Variants in SGIP1 observed in about 807,000 individuals in gnomAD.
The protein encoded by SGIP1 is SH3GL interacting endocytic adaptor 1.
In SGIP1, 38 loss-of-function variants were observed where a neutral mutation model predicts 107.5. The ratio of observed to expected loss-of-function variants is 0.35; its 90% CI spans 0.27 to 0.46. The LOEUF is 0.46. Among genes scored for constraint, SGIP1 ranks in the 20% least tolerant of loss-of-function variants. The pLI, the probability that SGIP1 is intolerant of heterozygous loss-of-function variation, is 1.00. For synonymous variants in SGIP1, 365 were observed against 366.1 expected, an observed-to-expected ratio of 1.00 and a Z score of 0.03; for missense variants, 929 against 1,019.5, an observed-to-expected ratio of 0.91 and a Z score of 1.21.
chr1:66,575,703 C>G (rs1438936639), intron 1 of SGIP1, among the ~76,000 whole-genome samples: 1 of 152,086 alleles, frequency 6.6e-6, no homozygotes, highest in Admixed American at 6.6e-5. Flanking sequence ...TTATTCATGC[C>G]TGGTGCATGC....
At chr1:66,712,420 C>T (rs533383845) in intron 18 of SGIP1, among the ~76,000 whole-genome samples, 18 of 152,108 alleles carry the variant, frequency 1.2e-4, no homozygotes, top group African/African-American at 3.9e-4. Context: ...CTGGCCTGCC[C>T]GAACGCAGGC....
At chr1:66,610,980 G>A (rs1458594009) in intron 1 of SGIP1, among the ~76,000 whole-genome samples, 2 of 151,990 alleles carry the variant, frequency 1.3e-5, no homozygotes, top group Non-Finnish European at 2.9e-5. Context: ...TGGAAACTCG[G>A]TGGGAAAGGG....
chr1:66,679,848 A>G, intron 14 of SGIP1, 96 bp downstream of exon 14: 1 of 1,116,462 alleles, frequency 9.0e-7, no homozygotes, highest in Non-Finnish European at 1.2e-6. Context: ...TGTAGGCTAC[A>G]CAAAAACATC....
At chr1:66,534,440 C>T in intron 1 of SGIP1, 72 bp downstream of exon 1, 12 of 1,560,604 alleles carry the variant, frequency 7.7e-6, no homozygotes, top group Non-Finnish European at 1.1e-5. Context: ...AGAATATGTG[C>T]AGCCAGTGTA....
intron 18 of SGIP1, among the ~76,000 whole-genome samples, chr1:66,702,737 C>T (rs2092077227): frequency 6.6e-6 from 1 of 152,066 alleles, no homozygotes; most frequent in Non-Finnish European, 1.5e-5. Context: ...CTCTTATGGC[C>T]ATAATGGTCC....
chr1:66,665,005 G>T (rs1158840936), intron 8 of SGIP1, among the ~76,000 whole-genome samples: 1 of 152,002 alleles, frequency 6.6e-6, no homozygotes, highest in African/African-American at 2.4e-5. Flanking sequence ...TTAAGTTCTG[G>T]GATACATGTG....
At chr1:66,608,687 T>C (rs2149116920) in intron 1 of SGIP1, among the ~76,000 whole-genome samples, 1 of 152,292 alleles carries the variant, frequency 6.6e-6, no homozygotes, top group South Asian at 2.1e-4. Flanking sequence ...TTTGCCCCCT[T>C]GGCTCATTCT....
chr1:66,630,825 A>AAGAGAGAAAGAG (rs1397429821), intron 2 of SGIP1, among the ~76,000 whole-genome samples: 87 of 6,186 alleles, frequency 0.014, 7 homozygotes, highest in African/African-American at 0.072. Flanking sequence ...GAAAGAAAGA[A>AAGAGAGAAAGAG]AGAAAGAAAG....
chr1:66,743,180 AC>A lies in SGIP1; in HGVS notation c.*86del. ...AGATTTTAATTTTGGTTTGATGAAAACAAACCAATATCTGCACTTGGGATAT... is the reference window on the plus strand; with the variant it reads ...AGATTTTAATTTTGGTTTGATGAAAAAAACCAATATCTGCACTTGGGATAT... On this transcript the variant is annotated 3_prime_UTR_variant, in exon 25 of 25. Coordinates refer to ENST00000371037, the MANE Select transcript of SGIP1 (RefSeq NM_032291.4). 7.2e-7 allele frequency: 1 copy of A among 1,391,516 alleles called. No homozygotes were observed. The highest frequency in any genetic ancestry group is 1.2e-5 in the South Asian group (1 of 84,046). 86.2% of individuals were successfully genotyped at this position (1,391,516 alleles called of 1,614,324 possible).
At chr1:66,660,711 G>A (rs1200564972) in intron 8 of SGIP1, among the ~76,000 whole-genome samples, 187 bp downstream of exon 8, 1 of 152,170 alleles carries the variant, frequency 6.6e-6, no homozygotes, top group African/African-American at 2.4e-5. Flanking sequence ...TGGTTGCTAA[G>A]TGCTTTTACA....
chr1:66,613,366 G>C (rs913793590), intron 1 of SGIP1, among the ~76,000 whole-genome samples: 5 of 152,154 alleles, frequency 3.3e-5, no homozygotes, highest in African/African-American at 1.2e-4. Context: ...GTCTCACTCT[G>C]TCGTCCACGA....
intron 19 of SGIP1, among the ~76,000 whole-genome samples, chr1:66,728,689 C>T (rs485543): frequency 0.35 from 53,443 of 151,646 alleles, 10,138 homozygotes; most frequent in Non-Finnish European, 0.42. Context: ...ATAGCTAAGA[C>T]ACAGAGTCAA....
intron 1 of SGIP1, among the ~76,000 whole-genome samples, chr1:66,588,497 G>A (rs556277996): frequency 6.6e-6 from 1 of 152,202 alleles, no homozygotes; most frequent in South Asian, 2.1e-4. Flanking sequence ...CACTATTTGA[G>A]ACCATATACT....
chr1:66,712,363 T>C (rs1382199715), intron 18 of SGIP1, among the ~76,000 whole-genome samples: 2 of 152,124 alleles, frequency 1.3e-5, no homozygotes, highest in African/African-American at 4.8e-5. Flanking sequence ...CATTGCAAAG[T>C]GGAAGAGATT....
At chr1:66,593,869 C>A (rs1221763375) in intron 1 of SGIP1, among the ~76,000 whole-genome samples, 1 of 152,112 alleles carries the variant, frequency 6.6e-6, no homozygotes, top group Non-Finnish European at 1.5e-5. Context: ...TCTTATATTT[C>A]CTGTTTTTCT....
At chr1:66,630,859 GAA>G (rs769387310) in intron 2 of SGIP1, among the ~76,000 whole-genome samples, 1 of 29,200 alleles carries the variant, frequency 3.4e-5, no homozygotes, top group African/African-American at 2.0e-4. Flanking sequence ...AAGAAAGAAA[GAA>G]AGAAAGAAAG....
intron 15 of SGIP1, among the ~76,000 whole-genome samples, chr1:66,684,461 G>A (rs549358309): frequency 6.6e-6 from 1 of 152,268 alleles, no homozygotes; most frequent in African/African-American, 2.4e-5. Flanking sequence ...AGATAATAAA[G>A]AACCACTATG....
intron 6 of SGIP1, 66 bp from the exon 7 acceptor site, chr1:66,643,478 G>A: frequency 5.1e-6 from 7 of 1,361,434 alleles, no homozygotes; most frequent in Non-Finnish European, 7.1e-6. Context: ...ATATGCAATT[G>A]CTCTTGTCTT....
At position 66,689,148 on chromosome 1, in the gene SGIP1, G is replaced by A; in HGVS notation, c.1316G>A (p.Gly439Asp). ...GSGPGPGTTS[G>D]ASSPARPATP... ...ATTTTAATGCTAGTTTGTTTTTCAG[G>A]TGCATCATCCCCTGCTCGACCAGCC... Residue 439 changes from glycine (G) to aspartate (D), a missense_variant and splice_region_variant, in exon 16 of 25, where the codon GGT (glycine) becomes GAT (aspartate). By Grantham distance (94) the Gly-to-Asp change is moderately conservative (BLOSUM62 -1). Transcript: ENST00000371037. 6.2e-7 allele frequency: 1 copy of A among 1,610,954 alleles called. No individual in the cohort carries two copies. The highest frequency in any genetic ancestry group is 8.5e-7 in the Non-Finnish European group (1 of 1,178,548).
Sources: gnomAD v4.1 joint callset for allele counts (sites outside exome capture counted in the v4.1 genomes callset) on GRCh38, gnomAD v4.1.1 for gene constraint, MANE v1.5 for transcripts, NCBI Gene and HGNC (gene_info 2026-07-23, HGNC 2026-07-21) for gene names.